The following PTPN12 variants were observed in gnomAD, a reference collection of about 807,000 sequenced individuals.
PTPN12 encodes the protein protein tyrosine phosphatase non-receptor type 12.
PTPN12 carries 29 observed loss-of-function variants against 97.6 expected under a neutral mutation model. The observed-to-expected ratio is 0.30, with a 90% CI of 0.22 to 0.41. The LOEUF (loss-of-function observed/expected upper bound fraction) is 0.41, where lower values mean the gene tolerates loss of function less well. Ranked by LOEUF, PTPN12 falls within the 10% of genes least tolerant of loss-of-function variation. PTPN12 has a pLI of 1.00. For synonymous variants in PTPN12, 327 were observed against 300.4 expected, an observed-to-expected ratio of 1.09 and a Z score of -0.91; for missense variants, 819 against 926.0, an observed-to-expected ratio of 0.88 and a Z score of 1.50.
intron 1 of PTPN12, among the ~76,000 whole-genome samples, chr7:77,564,743 CGTGTTTTTTT>C: frequency 2.8e-5 from 1 of 35,498 alleles, no homozygotes; most frequent in African/African-American, 1.1e-4. Flanking sequence ...TTTTTGTTGT[CGTGTTTTTTT>C]TTTTTTTTTT....
At chr7:77,609,880 C>CA (rs377678673) in intron 9 of PTPN12, among the ~76,000 whole-genome samples, 142 of 112,802 alleles carry the variant, frequency 1.3e-3, no homozygotes, top group East Asian at 4.1e-3. Flanking sequence ...GACTCCGTCT[C>CA]AAAAAAAAAA....
chr7:77,581,754 A>T lies in PTPN12; in HGVS notation c.285+251A>T, dbSNP rs1444953151. Among the ~76,000 whole-genome samples the T allele has an allele frequency of 6.6e-5, 10 of 152,314 alleles. No individual in the cohort carries two copies. The East Asian group carries it at 1.7e-3, about 26-fold the overall frequency. ...TTTTTTATTTCTTCTTTCCCATGGA[A>T]GTCTTACCTATTACTAAATTATTTT... On this transcript the variant is annotated intron_variant, in intron 3 of 17. Coordinates refer to ENST00000248594, the MANE Select transcript of PTPN12 (RefSeq NM_002835.4).
At chr7:77,607,357 T>TG (rs781225271) in intron 9 of PTPN12, 56 bp downstream of exon 9, 7 of 1,215,032 alleles carry the variant, frequency 5.8e-6, no homozygotes, top group African/African-American at 3.0e-5. Context: ...ATTTTCAAAC[T>TG]TAATTATAAT....
chr7:77,601,219 A>G (rs1009037243), intron 8 of PTPN12, among the ~76,000 whole-genome samples: 7 of 152,128 alleles, frequency 4.6e-5, no homozygotes, highest in African/African-American at 1.7e-4. Flanking sequence ...AAAACAGGAT[A>G]TTGCTCTGAT....
rs1789112417 is a variant in PTPN12, at chr7:77,625,472, G to GCTCTGTCT, written c.1026-1229_1026-1228insGTCTCTCT. On this transcript the variant is annotated intron_variant, in intron 12 of 17. Transcript: ENST00000248594. ...TTTTGCCATATTGCCCAGGCTGCTC[G>GCTCTGTCT]CTCTCTCTCTCTCTCTCTCTCTCTC... Among the ~76,000 whole-genome samples, 2 of 33,522 alleles carry GCTCTGTCT rather than the reference G, an allele frequency of 6.0e-5. 1 individual carries two copies. The highest frequency in any genetic ancestry group is 2.7e-4 in the African/African-American group (2 of 7,510). 22.0% of individuals were successfully genotyped at this position (33,522 alleles called of 152,430 possible). A position where few individuals can be genotyped will look rare whatever the true frequency, so the allele number is the denominator to read the frequency against.
chr7:77,596,813 C>T (rs1788036241), intron 6 of PTPN12, among the ~76,000 whole-genome samples: 1 of 152,188 alleles, frequency 6.6e-6, no homozygotes, highest in South Asian at 2.1e-4. Flanking sequence ...ATGTAGCCCT[C>T]ATTATCAACA....
intron 7 of PTPN12, 145 bp from the exon 8 acceptor site, chr7:77,600,519 G>T (rs1170870517): frequency 3.2e-6 from 2 of 621,694 alleles, no homozygotes; most frequent in Non-Finnish European, 5.5e-6. Flanking sequence ...CAGTCAATAA[G>T]TGTTGGCTAT....
At chr7:77,539,690 G>T (rs1417312556) in intron 1 of PTPN12, among the ~76,000 whole-genome samples, 2 of 151,956 alleles carry the variant, frequency 1.3e-5, no homozygotes, top group Non-Finnish European at 2.9e-5. Context: ...GTGCAGCGGC[G>T]CAATCTCAGC....
intron 1 of PTPN12, among the ~76,000 whole-genome samples, chr7:77,565,292 C>G (rs1045186907): frequency 3.0e-4 from 46 of 152,166 alleles, no homozygotes; most frequent in African/African-American, 1.0e-3. Flanking sequence ...ATTAATTTAA[C>G]GCTTGTCTGT....
chr7:77,625,565 CTTTTTT>C (rs1179793825), intron 12 of PTPN12, among the ~76,000 whole-genome samples: 2 of 24,152 alleles, frequency 8.3e-5, no homozygotes, highest in Non-Finnish European at 1.3e-4. Flanking sequence ...CTCTCTCTCT[CTTTTTT>C]TTTTTTTTTT....
chr7:77,625,785 G>T (rs1473701883), intron 12 of PTPN12, among the ~76,000 whole-genome samples: 1 of 151,466 alleles, frequency 6.6e-6, no homozygotes, highest in African/African-American at 2.4e-5. Flanking sequence ...GCTCAGGCTG[G>T]TCTCAAACTC....
chr7:77,564,803 G>A (rs1808188415), intron 1 of PTPN12, among the ~76,000 whole-genome samples: 1 of 114,694 alleles, frequency 8.7e-6, no homozygotes, highest in Admixed American at 1.3e-4. Context: ...CTTGTGCCAG[G>A]CTGGAGTGCA....
At chr7:77,588,405 C>T (rs1787759387) in intron 5 of PTPN12, among the ~76,000 whole-genome samples, 1 of 152,194 alleles carries the variant, frequency 6.6e-6, no homozygotes, top group African/African-American at 2.4e-5. Context: ...ATGCTCACAA[C>T]ATCTGTTGAT....
chr7:77,542,155 T>G lies in PTPN12; in HGVS notation c.99+4510T>G, dbSNP rs150520888. Among the ~76,000 whole-genome samples the G allele has an allele frequency of 9.2e-3, 1,403 of 152,308 alleles. 25 individuals carry two copies. The highest frequency in any genetic ancestry group is 0.032 in the African/African-American group (1,316 of 41,564). ...GTAGAGGTCTTTTTGTGAAGGATCT[T>G]ACATCTATGCTATACTTAGATTTTA... On this transcript the variant is annotated intron_variant, in intron 1 of 17. Coordinates refer to ENST00000248594, the MANE Select transcript of PTPN12 (RefSeq NM_002835.4).
In PTPN12 at chr7:77,605,409, G is replaced by GTTTTTT. The variant is rs751962814; in HGVS notation, c.696-1803_696-1798dup. ...TTACTTTAAAATACTTTTGTCATGAGTTTTTTTTTTTTTTTTTTTTTTTTT... is the reference window on the plus strand; with the variant it reads ...TTACTTTAAAATACTTTTGTCATGAGTTTTTTTTTTTTTTTTTTTTTTTTTTTTTTT... On this transcript the variant is annotated intron_variant, in intron 8 of 17. Coordinates refer to ENST00000248594, the MANE Select transcript of PTPN12 (RefSeq NM_002835.4). Among the ~76,000 whole-genome samples, 31 of 95,530 alleles carry GTTTTTT rather than the reference G, an allele frequency of 3.2e-4. 3 individuals are homozygous for GTTTTTT. Among genetic ancestry groups the GTTTTTT allele is most frequent in the African/African-American group, 4.5e-4 (11 of 24,232 alleles). 62.7% of individuals were successfully genotyped at this position (95,530 alleles called of 152,430 possible). A position where few individuals can be genotyped will look rare whatever the true frequency, so the allele number is the denominator to read the frequency against.
In PTPN12 at chr7:77,626,709, C is replaced by A. The variant is rs1262441097; in HGVS notation, c.1030C>A (p.Leu344Ile). Reference sequence around the variant, plus strand: ...TTTTAAATGTTTGTTTTTCAGTTGCCTTGTTGAAGGGGATGCTAAAGAAGA... The same window carrying A: ...TTTTAAATGTTTGTTTTTCAGTTGCATTGTTGAAGGGGATGCTAAAGAAGA... ...PPKPPRTRSC[L>I]VEGDAKEEIL... Residue 344 changes from leucine (L) to isoleucine (I), a missense_variant, in exon 13 of 18, where the codon CTT (leucine) becomes ATT (isoleucine). By Grantham distance (5) the Leu-to-Ile change is conservative. Transcript: ENST00000248594. The A allele has an allele frequency of 1.4e-5, 22 of 1,585,682 alleles. No individual in the cohort carries two copies. Among genetic ancestry groups the A allele is most frequent in the Non-Finnish European group, 1.7e-5 (20 of 1,167,170 alleles).
intron 13 of PTPN12, among the ~76,000 whole-genome samples, chr7:77,632,128 A>G (rs568930249): frequency 3.5e-4 from 54 of 152,356 alleles, no homozygotes; most frequent in African/African-American, 1.2e-3. Context: ...CTGTAGAGTG[A>G]CAGGAAAGTC....
At chr7:77,550,413 A>G (rs914884072) in intron 1 of PTPN12, among the ~76,000 whole-genome samples, 1 of 152,148 alleles carries the variant, frequency 6.6e-6, no homozygotes, top group African/African-American at 2.4e-5. Context: ...ATTAAAATAT[A>G]AAGTTAATTT....
Position 77,627,460 on chromosome 7 carries a change from C to T in PTPN12, c.1781C>T (p.Pro594Leu). The T allele has an allele frequency of 6.2e-7, 1 of 1,613,876 alleles. No homozygotes were observed. Among genetic ancestry groups the T allele is most frequent in the Non-Finnish European group, 8.5e-7 (1 of 1,179,852 alleles). The change falls in exon 13 of 18, where the codon CCC (proline) becomes CTC (leucine). Residue 594 changes from proline to leucine, a missense_variant. Pro to Leu is a moderately conservative substitution (Grantham distance 98). Transcript: ENST00000248594. ...HDNTSPLFRT[P>L]LSFTNPLHSD... ...AACACTTCACCACTCTTCAGAACAC[C>T]CCTCAGTTTTACTAATCCACTTCAC... is the stretch of plus-strand genomic sequence containing the variant.
Sources: gnomAD v4.1 joint callset for allele counts (sites outside exome capture counted in the v4.1 genomes callset) on GRCh38, gnomAD v4.1.1 for gene constraint, MANE v1.5 for transcripts, NCBI Gene and HGNC (gene_info 2026-07-23, HGNC 2026-07-21) for gene names.